The following FOXJ3 variants were observed in gnomAD, a reference collection of about 807,000 sequenced individuals.
FOXJ3 encodes forkhead box J3.
In FOXJ3, 22 loss-of-function variants were observed where a neutral mutation model predicts 76.1. The ratio of observed to expected loss-of-function variants is 0.29; its 90% confidence interval spans 0.21 to 0.41. The LOEUF is 0.41. FOXJ3 is among the 10% of genes least tolerant of loss of function. The probability of loss-of-function intolerance (pLI) is 1.00; values close to 1 mark genes in which losing one functional copy is unlikely to be tolerated. For synonymous variants in FOXJ3, 269 were observed against 261.2 expected, an observed-to-expected ratio of 1.03 and a Z score of -0.29; for missense variants, 613 against 762.1, an observed-to-expected ratio of 0.80 and a Z score of 2.30.
intron 2 of FOXJ3, among the ~76,000 whole-genome samples, chr1:42,292,132 A>G (rs190442439): frequency 5.3e-5 from 8 of 152,302 alleles, no homozygotes; most frequent in Admixed American, 1.3e-4. Context: ...AAAAGGATTC[A>G]TAAGAAAAGA....
chr1:42,201,767 T>G (rs1307262210), intron 6 of FOXJ3, among the ~76,000 whole-genome samples: 1 of 152,190 alleles, frequency 6.6e-6, no homozygotes, highest in Non-Finnish European at 1.5e-5. Context: ...TTTTTTAAAA[T>G]TCTCCTGAAG....
At chr1:42,244,301 T>C (rs749111109) in intron 4 of FOXJ3, among the ~76,000 whole-genome samples, 6 of 151,992 alleles carry the variant, frequency 3.9e-5, no homozygotes, top group East Asian at 3.9e-4. Context: ...ACAAAATTAA[T>C]AGAAGAAAAG....
chr1:42,284,222 T>G (rs1652908491), intron 2 of FOXJ3, among the ~76,000 whole-genome samples: 1 of 152,130 alleles, frequency 6.6e-6, no homozygotes, highest in African/African-American at 2.4e-5. Context: ...ACTAGCACAC[T>G]CTCTTAAAGA....
At position 42,179,633 on chromosome 1, in the gene FOXJ3, A is replaced by T. The variant is rs1223378581; in HGVS notation, c.*77T>A. ...AAGTGATTAGCAAGTTTGTTTTCTCAACTGGATTCTCTTAAACCTTTCCCT... is the reference window on the plus strand; with the variant it reads ...AAGTGATTAGCAAGTTTGTTTTCTCTACTGGATTCTCTTAAACCTTTCCCT... On this transcript the variant is annotated 3_prime_UTR_variant, in exon 13 of 13. Coordinates refer to ENST00000361346, the MANE Select transcript of FOXJ3 (RefSeq NM_014947.5). The T allele has an allele frequency of 1.2e-6, 1 of 862,302 alleles. No homozygotes were observed. Among genetic ancestry groups the T allele is most frequent in the African/African-American group, 1.7e-5 (1 of 59,350 alleles). The allele number at this position is 862,302 out of a possible 1,614,324, so 53.4% of individuals were successfully genotyped here.
intron 2 of FOXJ3, among the ~76,000 whole-genome samples, chr1:42,296,898 G>A (rs1263289855): frequency 3.3e-5 from 5 of 152,226 alleles, no homozygotes; most frequent in African/African-American, 9.6e-5. Context: ...TGAATAGTAT[G>A]GTCATTTTTG....
rs1221892590 is a variant in FOXJ3, at chr1:42,191,574, T to C, written c.1080A>G (p.Thr360=). The C allele has an allele frequency of 2.0e-5, 32 of 1,614,038 alleles. No individual in the cohort carries two copies. The highest frequency in any genetic ancestry group is 4.0e-5 in the African/African-American group (3 of 74,898). ...AGACCTGTGCAACCGAATTACTGCC[T>C]GTGGTGTTGAGGCCACTGCCATGAC... ...SNSHGSGLNT[T]GSNSVAQVSL... Residue 360 remains threonine (T), a synonymous_variant, in exon 9 of 13, where the codon ACA becomes ACG. Coordinates refer to ENST00000361346, the MANE Select transcript of FOXJ3 (RefSeq NM_014947.5).
chr1:42,282,450 T>C (rs572969625), intron 2 of FOXJ3, among the ~76,000 whole-genome samples: 4 of 152,212 alleles, frequency 2.6e-5, no homozygotes, highest in Non-Finnish European at 5.9e-5. Context: ...TAATCTTTTA[T>C]TAATCCTTCT....
intron 4 of FOXJ3, among the ~76,000 whole-genome samples, chr1:42,240,539 G>A (rs1014245863): frequency 2.0e-5 from 3 of 152,188 alleles, no homozygotes; most frequent in Non-Finnish European, 4.4e-5. Flanking sequence ...TGATCCGACA[G>A]TCTAGAAGTA....
chr1:42,183,553 T>C (rs1646374383), intron 11 of FOXJ3, among the ~76,000 whole-genome samples: 1 of 151,940 alleles, frequency 6.6e-6, no homozygotes, highest in Non-Finnish European at 1.5e-5. Context: ...GAGGAATGAT[T>C]ATAAAAGCGG....
At chr1:42,326,724 A>G (rs1278700445) in intron 1 of FOXJ3, among the ~76,000 whole-genome samples, 2 of 152,198 alleles carry the variant, frequency 1.3e-5, no homozygotes, top group Non-Finnish European at 2.9e-5. Flanking sequence ...TAAATTTAAC[A>G]AGGGGAGAAA....
At chr1:42,186,845 CCTTCTT>C (rs953460491) in intron 11 of FOXJ3, among the ~76,000 whole-genome samples, 1 of 151,790 alleles carries the variant, frequency 6.6e-6, no homozygotes, top group Non-Finnish European at 1.5e-5. Context: ...TTTGAGATTG[CCTTCTT>C]CTTCTTCTTC....
At chr1:42,314,316 A>G (rs1654981651) in intron 1 of FOXJ3, among the ~76,000 whole-genome samples, 1 of 152,072 alleles carries the variant, frequency 6.6e-6, no homozygotes, top group Non-Finnish European at 1.5e-5. Flanking sequence ...AATGGCGCCA[A>G]CTCGGCTCAC....
intron 3 of FOXJ3, among the ~76,000 whole-genome samples, chr1:42,270,826 C>A (rs911395226): frequency 1.3e-5 from 2 of 152,112 alleles, no homozygotes; most frequent in African/African-American, 4.8e-5. Flanking sequence ...AGTGACCTGA[C>A]AATTCTAATT....
chr1:42,189,183 C>A (rs1397935693), intron 10 of FOXJ3, 120 bp downstream of exon 10: 3 of 728,640 alleles, frequency 4.1e-6, no homozygotes, highest in Non-Finnish European at 6.7e-6. Flanking sequence ...TGAATTTTAC[C>A]AACTGCAAAA....
chr1:42,196,755 C>A (rs967107801), intron 7 of FOXJ3, among the ~76,000 whole-genome samples: 2 of 152,196 alleles, frequency 1.3e-5, no homozygotes, highest in African/African-American at 4.8e-5. Context: ...AACCCTCTTA[C>A]ATTTATTGGC....
At chr1:42,281,454 C>T (rs780365482) in intron 2 of FOXJ3, among the ~76,000 whole-genome samples, 16 of 151,882 alleles carry the variant, frequency 1.1e-4, no homozygotes, top group Non-Finnish European at 2.2e-4. Flanking sequence ...TTTAAATAGA[C>T]TGGAAAGAAA....
At chr1:42,200,548 G>A (rs1230671494) in intron 6 of FOXJ3, among the ~76,000 whole-genome samples, 5 of 151,870 alleles carry the variant, frequency 3.3e-5, no homozygotes, top group Non-Finnish European at 4.4e-5. Context: ...GTGCGATCTC[G>A]GCTCACTGCA....
At chr1:42,197,636 C>T (rs1646676698) in intron 7 of FOXJ3, among the ~76,000 whole-genome samples, 1 of 150,500 alleles carries the variant, frequency 6.6e-6, no homozygotes, top group Non-Finnish European at 1.5e-5. Flanking sequence ...ATACCTAATA[C>T]AATGTAAACA....
intron 2 of FOXJ3, among the ~76,000 whole-genome samples, chr1:42,302,814 G>C (rs146537787): frequency 2.3e-3 from 352 of 151,284 alleles, no homozygotes; most frequent in African/African-American, 8.3e-3. Flanking sequence ...TTAACTCTTA[G>C]TATATTCAGT....
Sources: allele counts gnomAD v4.1 joint callset (sites outside exome capture counted in the v4.1 genomes callset), GRCh38; gene constraint gnomAD v4.1.1; transcripts MANE v1.5; gene names NCBI Gene and HGNC (gene_info 2026-07-23, HGNC 2026-07-21).